The following UBASH3A variants were observed in gnomAD, a reference collection of about 807,000 sequenced individuals.
The protein encoded by UBASH3A is ubiquitin-associated and SH3 domain-containing protein A.
Under a neutral mutation model 73.5 loss-of-function variants are expected in UBASH3A, and 63 were observed. That is an observed-to-expected ratio of 0.86 (90% CI 0.70 to 1.06). The LOEUF is 1.06. Ranked by LOEUF, UBASH3A falls within the 50% of genes least tolerant of loss-of-function variation. The probability of loss-of-function intolerance (pLI) is 0.00; values close to 1 mark genes in which losing one functional copy is unlikely to be tolerated. For synonymous variants in UBASH3A, 363 were observed against 351.1 expected, an observed-to-expected ratio of 1.03 and a Z score of -0.38; for missense variants, 860 against 859.0, an observed-to-expected ratio of 1.00 and a Z score of -0.02.
intron 13 of UBASH3A, among the ~76,000 whole-genome samples, chr21:42,443,944 A>G (rs2053799165): frequency 6.6e-6 from 1 of 152,200 alleles, no homozygotes; most frequent in Non-Finnish European, 1.5e-5. Context: ...AGAGACAGAG[A>G]GAGAAAGAAC....
chr21:42,447,261 T>C lies in UBASH3A; in HGVS notation c.*67T>C, dbSNP rs2053860599. 3.3e-6 allele frequency: 5 copies of C among 1,534,638 alleles called. No homozygotes were observed. The highest frequency in any genetic ancestry group is 4.4e-6 in the Non-Finnish European group (5 of 1,133,298). ...GAAACCATGTGCAGAGGCTGGGAGA[T>C]GCTGCTGTTTCCAGAGGCGTCTTAG... On this transcript the variant is annotated 3_prime_UTR_variant, in exon 15 of 15. Transcript: ENST00000319294.
chr21:42,417,865 T>C (rs1034383014), intron 6 of UBASH3A, among the ~76,000 whole-genome samples: 21 of 141,100 alleles, frequency 1.5e-4, no homozygotes, highest in Admixed American at 7.9e-4. Flanking sequence ...ATCTCTTTTT[T>C]TTTTCTTTTT....
intron 11 of UBASH3A, among the ~76,000 whole-genome samples, chr21:42,439,589 G>T (rs1241714107): frequency 6.6e-6 from 1 of 152,052 alleles, no homozygotes; most frequent in East Asian, 1.9e-4. Context: ...CCGAGGGCAA[G>T]CAAGGCTTCC....
In UBASH3A at chr21:42,432,129, G is replaced by C; in HGVS notation, c.1197G>C (p.Leu399=). The C allele has an allele frequency of 6.2e-7, 1 of 1,613,528 alleles. No individual in the cohort carries two copies. Residue 399 remains leucine (L), a synonymous_variant, in exon 9 of 15, where the codon CTG becomes CTC. Coordinates refer to ENST00000319294, the MANE Select transcript of UBASH3A (RefSeq NM_018961.4). ...CTACCGTTGCAAGGAAGAGCGTGCT[G>C]GTGGTTCGCCACGGGGAGAGAGTGG... is the stretch of plus-strand genomic sequence containing the variant. The part of the protein sequence containing the change: ...LQATVARKSV[L]VVRHGERVDQ...
At chr21:42,415,401 G>A (rs986969438) in intron 5 of UBASH3A, among the ~76,000 whole-genome samples, 4 of 152,058 alleles carry the variant, frequency 2.6e-5, no homozygotes, top group Non-Finnish European at 5.9e-5. Flanking sequence ...CAGTGCCCCA[G>A]CTTTCCTAGA....
chr21:42,430,918 G>T (rs2053517107), intron 8 of UBASH3A, among the ~76,000 whole-genome samples: 1 of 152,206 alleles, frequency 6.6e-6, no homozygotes, highest in Non-Finnish European at 1.5e-5. Context: ...CCCCTGGATA[G>T]CCTGGGCCTG....
chr21:42,407,715 G>A (rs1243466015), intron 2 of UBASH3A, among the ~76,000 whole-genome samples: 1 of 152,210 alleles, frequency 6.6e-6, no homozygotes, highest in Non-Finnish European at 1.5e-5. Context: ...TGCCAACCTT[G>A]GCAATATGCA....
At chr21:42,439,253 C>A (rs2053686276) in intron 11 of UBASH3A, among the ~76,000 whole-genome samples, 1 of 152,186 alleles carries the variant, frequency 6.6e-6, no homozygotes. Context: ...CATGGAGCAT[C>A]CACGATCCAC....
chr21:42,424,718 G>A (rs894413275), intron 7 of UBASH3A, among the ~76,000 whole-genome samples: 1 of 152,156 alleles, frequency 6.6e-6, no homozygotes, highest in Non-Finnish European at 1.5e-5. Context: ...TACAATTAAG[G>A]GCTAAATTGC....
chr21:42,430,894 C>G (rs1009412046), intron 8 of UBASH3A, among the ~76,000 whole-genome samples: 1 of 152,182 alleles, frequency 6.6e-6, no homozygotes, highest in Admixed American at 6.5e-5. Flanking sequence ...CCACCTCTTG[C>G]TCTGAAATGG....
chr21:42,422,370 C>CCTGG (rs2146539602), intron 7 of UBASH3A, among the ~76,000 whole-genome samples: 1 of 152,336 alleles, frequency 6.6e-6, no homozygotes, highest in African/African-American at 2.4e-5. Flanking sequence ...ACCCCCTGTG[C>CCTGG]CTGGCTCTGT....
At position 42,413,023 on chromosome 21, in the gene UBASH3A, G is replaced by A; in HGVS notation, c.355-1G>A. The A allele has an allele frequency of 6.2e-7, 1 of 1,613,728 alleles. No homozygotes were observed. The highest frequency in any genetic ancestry group is 8.5e-7 in the Non-Finnish European group (1 of 1,179,574). Reference sequence around the variant, plus strand: ...CACAGGCTCTGTCTCTGTCCCCTTAGTGTGAAGACCAGAAGGTGGAATGCC... The same window carrying A: ...CACAGGCTCTGTCTCTGTCCCCTTAATGTGAAGACCAGAAGGTGGAATGCC... On this transcript the variant is annotated splice_acceptor_variant, in intron 3 of 14. Coordinates refer to ENST00000319294, the MANE Select transcript of UBASH3A (RefSeq NM_018961.4). LOFTEE classifies it high-confidence loss of function. The surrounding 1 kb of genome is among the most constrained non-coding windows in gnomAD (Gnocchi z 4.5).
intron 8 of UBASH3A, 100 bp from the exon 9 acceptor site, chr21:42,432,003 C>T: frequency 1.5e-6 from 1 of 677,606 alleles, no homozygotes; most frequent in Non-Finnish European, 2.7e-6. Flanking sequence ...GGAAAAGATT[C>T]CCTCGCAGTT....
chr21:42,446,030 A>T (rs2053838108), intron 14 of UBASH3A, among the ~76,000 whole-genome samples: 2 of 151,976 alleles, frequency 1.3e-5, no homozygotes, highest in South Asian at 4.2e-4. Context: ...TACACATACC[A>T]AGCCTCCAGC....
chr21:42,410,960 A>T lies in UBASH3A; in HGVS notation c.354+1352A>T, dbSNP rs367834760. Among the ~76,000 whole-genome samples the T allele has an allele frequency of 2.0e-5, 3 of 152,172 alleles. 1 individual carries two copies. The highest frequency in any genetic ancestry group is 1.9e-4 in the East Asian group (1 of 5,188). ...AGACACAGAGACGTACACACGGCACACACAGATACACACACATACATGCAT... is the reference window on the plus strand; with the variant it reads ...AGACACAGAGACGTACACACGGCACTCACAGATACACACACATACATGCAT... On this transcript the variant is annotated intron_variant, in intron 3 of 14. Coordinates refer to ENST00000319294, the MANE Select transcript of UBASH3A (RefSeq NM_018961.4).
intron 8 of UBASH3A, among the ~76,000 whole-genome samples, chr21:42,431,358 C>G (rs1315206022): frequency 6.6e-6 from 1 of 152,260 alleles, no homozygotes; most frequent in South Asian, 2.1e-4. Flanking sequence ...AGAGGGCGGG[C>G]GTGAGCCCTG....
At chr21:42,426,844 T>G (rs766338858) in intron 8 of UBASH3A, 24 bp downstream of exon 8, 10 of 1,610,722 alleles carry the variant, frequency 6.2e-6, no homozygotes, top group Non-Finnish European at 7.6e-6. Flanking sequence ...CCCTTTTTTC[T>G]TTTAAGTAAA....
intron 11 of UBASH3A, among the ~76,000 whole-genome samples, chr21:42,441,549 G>C (rs1351905025): frequency 8.0e-6 from 1 of 125,002 alleles, no homozygotes; most frequent in Non-Finnish European, 1.7e-5. Flanking sequence ...GAGGACTCAG[G>C]GGCCTGGTTG....
intron 11 of UBASH3A, among the ~76,000 whole-genome samples, chr21:42,439,816 A>ACCTACACCCACACACACCC (rs2053701577): frequency 7.5e-6 from 1 of 133,078 alleles, no homozygotes; most frequent in Non-Finnish European, 1.6e-5. Context: ...CACACACACC[A>ACCTACACCCACACACACCC]CCTACACCCA....
Sources: allele counts gnomAD v4.1 joint callset (sites outside exome capture counted in the v4.1 genomes callset), GRCh38; gene constraint gnomAD v4.1.1; non-coding constraint Gnocchi (gnomAD v3.1); transcripts MANE v1.5; gene names NCBI Gene and HGNC (gene_info 2026-07-23, HGNC 2026-07-21).